PDE3A: variants seen among roughly 807,000 people sequenced by gnomAD.
The protein encoded by PDE3A is cGMP-inhibited 3',5'-cyclic phosphodiesterase 3A.
PDE3A carries 43 observed loss-of-function variants against 98.3 expected under a neutral mutation model. That is an observed-to-expected ratio of 0.44 (90% CI 0.34 to 0.56). The LOEUF is 0.56. Among genes scored for constraint, PDE3A ranks in the 20% least tolerant of loss-of-function variants. PDE3A has a pLI of 0.01. For missense variants in PDE3A, 1,427 were observed against 1,440.7 expected, an observed-to-expected ratio of 0.99 and a Z score of 0.15; for synonymous variants, 663 against 567.9, an observed-to-expected ratio of 1.17 and a Z score of -2.38.
intron 5 of PDE3A, among the ~76,000 whole-genome samples, chr12:20,629,687 G>T (rs1442768032): frequency 6.6e-6 from 1 of 152,070 alleles, no homozygotes; most frequent in Non-Finnish European, 1.5e-5. Context: ...TGCCAACATT[G>T]CCACTATTTT....
rs71442259 is a variant in PDE3A at position 20,623,747 on chromosome 12, A to ATATTCTAGAAAGAATATATGATGGATG, written c.1540+2352_1540+2378dup. 4.8e-3 allele frequency among the ~76,000 whole-genome samples: 461 copies of ATATTCTAGAAAGAATATATGATGGATG among 95,262 alleles called. 16 individuals carry two copies. The highest frequency in any genetic ancestry group is 0.014 in the South Asian group (37 of 2,662). 62.5% of individuals were successfully genotyped at this position (95,262 alleles called of 152,430 possible). On this transcript the variant is annotated intron_variant, in intron 5 of 15. Transcript: ENST00000359062. ...ATTCTAGAAAGAATATATGATGGAT[A>ATATTCTAGAAAGAATATATGATGGATG]TATTCTAGAAAGAATATATGATGGA...
At chr12:20,563,602 G>T (rs74635190) in intron 2 of PDE3A, among the ~76,000 whole-genome samples, 4,829 of 152,214 alleles carry the variant, frequency 0.032, 97 homozygotes, top group Middle Eastern at 0.048. Flanking sequence ...TATTCGTTCA[G>T]AAATTTTTCC....
At chr12:20,393,526 A>G (rs1447898641) in intron 1 of PDE3A, among the ~76,000 whole-genome samples, 2 of 151,992 alleles carry the variant, frequency 1.3e-5, no homozygotes, top group African/African-American at 4.8e-5. Context: ...ACAAAGAAAG[A>G]TAAATGTTTA....
intron 1 of PDE3A, among the ~76,000 whole-genome samples, chr12:20,427,387 A>T (rs1944618245): frequency 6.6e-6 from 1 of 152,244 alleles, no homozygotes; most frequent in Admixed American, 6.5e-5. Context: ...AATGGGAAAT[A>T]GAATAGAAGA....
chr12:20,516,382 T>A (rs75111710), intron 1 of PDE3A, among the ~76,000 whole-genome samples: 8,351 of 152,274 alleles, frequency 0.055, 310 homozygotes, highest in Non-Finnish European at 0.083. Context: ...AAAAATAGAT[T>A]TGCTTGATTT....
chr12:20,592,320 C>A (rs1943357643), intron 2 of PDE3A, among the ~76,000 whole-genome samples: 1 of 152,086 alleles, frequency 6.6e-6, no homozygotes, highest in Non-Finnish European at 1.5e-5. Context: ...GAGATTGACT[C>A]TAGATTTTCA....
intron 1 of PDE3A, chr12:20,449,869 T>A (rs1217621118): frequency 9.5e-6 from 6 of 632,384 alleles, no homozygotes; most frequent in Non-Finnish European, 1.3e-5. Context: ...TAGTGGACAT[T>A]TGGGTGACAG....
intron 1 of PDE3A, among the ~76,000 whole-genome samples, chr12:20,416,483 A>G (rs1351344372): frequency 6.6e-6 from 1 of 152,220 alleles, no homozygotes. Flanking sequence ...TAAGCATTCA[A>G]AAAACATTTA....
chr12:20,387,885 A>G (rs776740423), intron 1 of PDE3A, among the ~76,000 whole-genome samples: 5 of 152,058 alleles, frequency 3.3e-5, no homozygotes, highest in African/African-American at 4.8e-5. Context: ...ATGAAACACA[A>G]TTGAGGATAG....
intron 1 of PDE3A, among the ~76,000 whole-genome samples, chr12:20,428,166 T>G (rs1171557548): frequency 6.6e-6 from 1 of 152,174 alleles, no homozygotes; most frequent in Non-Finnish European, 1.5e-5. Context: ...TAATTCTGAA[T>G]GTTAAAATCC....
chr12:20,406,088 C>T (rs897592058), intron 1 of PDE3A, among the ~76,000 whole-genome samples: 4 of 152,138 alleles, frequency 2.6e-5, no homozygotes, highest in Non-Finnish European at 4.4e-5. Flanking sequence ...TGTGTATGCA[C>T]ACACATACAT....
Position 20,687,435 on chromosome 12 carries a change from A to C in PDE3A, c.*7164A>C, listed in dbSNP as rs1946000014. Among the ~76,000 whole-genome samples the C allele has an allele frequency of 6.6e-6, 1 of 152,072 alleles. No individual in the cohort carries two copies. Among genetic ancestry groups the C allele is most frequent in the Non-Finnish European group, 1.5e-5 (1 of 67,962 alleles). Reference sequence around the variant, plus strand: ...TATTTGTTCATCAGCTTAAAAAATCACTAAATTTTTTATACTCTGTAAAAT... The same window carrying C: ...TATTTGTTCATCAGCTTAAAAAATCCCTAAATTTTTTATACTCTGTAAAAT... On this transcript the variant is annotated 3_prime_UTR_variant, in exon 16 of 16. Coordinates refer to ENST00000359062, the MANE Select transcript of PDE3A (RefSeq NM_000921.5).
At chr12:20,673,764 G>T (rs950902412) in intron 15 of PDE3A, among the ~76,000 whole-genome samples, 1 of 147,780 alleles carries the variant, frequency 6.8e-6, no homozygotes, top group African/African-American at 2.5e-5. Flanking sequence ...CGAGTTAGTG[G>T]GTGCAGTGCA....
intron 1 of PDE3A, among the ~76,000 whole-genome samples, chr12:20,506,508 A>AT (rs1272420109): frequency 6.6e-6 from 1 of 152,146 alleles, no homozygotes; most frequent in East Asian, 1.9e-4. Flanking sequence ...TTTTGCAAGA[A>AT]TTTTTTGTCA....
At chr12:20,599,303 T>C (rs568590342) in intron 2 of PDE3A, among the ~76,000 whole-genome samples, 2 of 151,970 alleles carry the variant, frequency 1.3e-5, no homozygotes, top group South Asian at 4.1e-4. Context: ...CTGTCTGTCA[T>C]ACTTCTCCTG....
intron 1 of PDE3A, among the ~76,000 whole-genome samples, chr12:20,484,424 G>GT (rs1358920009): frequency 6.6e-6 from 1 of 152,070 alleles, no homozygotes; most frequent in African/African-American, 2.4e-5. Context: ...CCAAATCAAC[G>GT]TATCTCTCTT....
chr12:20,629,780 G>T (rs1295820330), intron 5 of PDE3A, 128 bp from the exon 6 acceptor site: 4 of 690,438 alleles, frequency 5.8e-6, no homozygotes, highest in Non-Finnish European at 1.0e-5. Flanking sequence ...TGTGGAGGAG[G>T]CCAGCCCGGT....
intron 1 of PDE3A, among the ~76,000 whole-genome samples, chr12:20,431,115 T>A (rs2120800951): frequency 6.6e-6 from 1 of 152,292 alleles, no homozygotes; most frequent in Admixed American, 6.5e-5. Context: ...TCTTTATTAC[T>A]ACCCCAATAT....
intron 1 of PDE3A, among the ~76,000 whole-genome samples, chr12:20,494,788 T>A (rs778040814): frequency 2.0e-5 from 3 of 151,784 alleles, no homozygotes; most frequent in Non-Finnish European, 4.4e-5. Flanking sequence ...GTAGACAATT[T>A]AGGCTTAATA....
Sources: gnomAD v4.1 joint callset for allele counts (sites outside exome capture counted in the v4.1 genomes callset) on GRCh38, gnomAD v4.1.1 for gene constraint, MANE v1.5 for transcripts, NCBI Gene and HGNC (gene_info 2026-07-23, HGNC 2026-07-21) for gene names.